The following SLC43A2 variants were observed in gnomAD, a reference collection of about 807,000 sequenced individuals.
The protein encoded by SLC43A2 is solute carrier family 43 member 2.
A neutral mutation model predicts 63.2 loss-of-function variants in SLC43A2; 38 were observed. The observed-to-expected ratio is 0.60, with a 90% CI of 0.46 to 0.79. SLC43A2 has a LOEUF of 0.79. Ranked by LOEUF, SLC43A2 falls within the 30% of genes least tolerant of loss-of-function variation. The probability of loss-of-function intolerance (pLI) is 0.00; values close to 1 mark genes in which losing one functional copy is unlikely to be tolerated. For missense variants in SLC43A2, 644 were observed against 756.2 expected, an observed-to-expected ratio of 0.85 and a Z score of 1.74; for synonymous variants, 322 against 331.0, an observed-to-expected ratio of 0.97 and a Z score of 0.30.
intron 2 of SLC43A2, among the ~76,000 whole-genome samples, chr17:1,618,638 G>A (rs1225924410): frequency 1.3e-5 from 2 of 152,208 alleles, no homozygotes; most frequent in Admixed American, 6.5e-5. Context: ...TCACTTCTGT[G>A]TCCCCAGTAT....
At chr17:1,628,047 C>A in intron 1 of SLC43A2, 127 bp from the exon 2 acceptor site, 2 of 1,007,320 alleles carry the variant, frequency 2.0e-6, no homozygotes, top group Non-Finnish European at 2.5e-6. Flanking sequence ...CCGGTGCGCG[C>A]AGCAGAGGAA....
At chr17:1,587,897 C>T (rs1904366250) in intron 9 of SLC43A2, among the ~76,000 whole-genome samples, 1 of 152,366 alleles carries the variant, frequency 6.6e-6, no homozygotes, top group African/African-American at 2.4e-5. Flanking sequence ...GCCACAGCCT[C>T]TGTACCCTGC....
chr17:1,575,628 C>T lies in SLC43A2; in HGVS notation c.1686G>A (p.Ser562=), dbSNP rs766652288. 5.0e-6 allele frequency: 8 copies of T among 1,608,210 alleles called. No homozygotes were observed. Among genetic ancestry groups the T allele is most frequent in the Admixed American group, 3.4e-5 (2 of 58,742 alleles). Residue 562 remains serine, a synonymous_variant, in exon 14 of 14, where the codon TCG becomes TCA. Coordinates refer to ENST00000301335, the MANE Select transcript of SLC43A2 (RefSeq NM_152346.3). ...DDKLFLKING[S]SNQEAFV is the part of the protein sequence containing the mutation. ...ACTACACGAAGGCCTCCTGGTTGGA[C>T]GAGCCGTTGATTTTGAGGAAGAGTT...
In SLC43A2 at chr17:1,620,615, C is replaced by T. The variant is rs554942846; in HGVS notation, c.161-3846G>A. Among the ~76,000 whole-genome samples the T allele has an allele frequency of 5.3e-5, 8 of 152,242 alleles. No individual in the cohort carries two copies. In the East Asian group the frequency reaches 5.8e-4, roughly 11 times the overall value. On this transcript the variant is annotated intron_variant, in intron 2 of 13. Coordinates refer to ENST00000301335, the MANE Select transcript of SLC43A2 (RefSeq NM_152346.3). ...CCGGCCGCCTGCCTCCAGGCCGTCC[C>T]GTCCAGCAACAGAGGCGCCTGGGGC...
chr17:1,590,788 C>T lies in SLC43A2; in HGVS notation c.1078+14G>A, dbSNP rs1427759026. On this transcript the variant is annotated intron_variant, in intron 9 of 13. Transcript: ENST00000301335. ...CGGGGAGTGACAGCGACCGAGGCTG[C>T]CCGGGGCACCTACCTGTCTTCTGGT... 2 of 1,551,676 alleles carry T rather than the reference C, an allele frequency of 1.3e-6. No individual in the cohort carries two copies. The highest frequency in any genetic ancestry group is 1.7e-6 in the Non-Finnish European group (2 of 1,147,714).
At position 1,605,109 on chromosome 17, in the gene SLC43A2, C is replaced by T; in HGVS notation, c.501+8086G>A. ...GTGGGAGTGCAAGCCCCTCTTCCCG[C>T]CCTCAGGTGCTTCCCACAGCCCCCT... On this transcript the variant is annotated intron_variant, in intron 5 of 13. Coordinates refer to ENST00000301335, the MANE Select transcript of SLC43A2 (RefSeq NM_152346.3). This position sits in a 1 kb window ranked among gnomAD's most constrained non-coding sequence, Gnocchi z 4.9. 1 of 1,330,956 alleles carries T rather than the reference C, an allele frequency of 7.5e-7. No homozygotes were observed. The highest frequency in any genetic ancestry group is 9.6e-7 in the Non-Finnish European group (1 of 1,036,508). 82.4% of individuals were successfully genotyped at this position (1,330,956 alleles called of 1,614,324 possible).
At chr17:1,610,849 T>G (rs1455780476) in intron 5 of SLC43A2, among the ~76,000 whole-genome samples, 5 of 151,716 alleles carry the variant, frequency 3.3e-5, no homozygotes, top group Non-Finnish European at 5.9e-5. Context: ...TTTTCCTTTT[T>G]TTTTTTTTGA....
intron 5 of SLC43A2, among the ~76,000 whole-genome samples, chr17:1,596,124 G>C (rs1336287584): frequency 1.3e-5 from 2 of 151,986 alleles, no homozygotes; most frequent in Non-Finnish European, 2.9e-5. Context: ...TTCAACACCA[G>C]CCTGGCCAAC....
chr17:1,619,797 C>T (rs367604682), intron 2 of SLC43A2, among the ~76,000 whole-genome samples: 3 of 152,306 alleles, frequency 2.0e-5, no homozygotes, highest in Non-Finnish European at 2.9e-5. Flanking sequence ...CAAACCAGCA[C>T]AGAGGTGACA....
At chr17:1,592,428 C>T (rs1904908552) in intron 6 of SLC43A2, among the ~76,000 whole-genome samples, 2 of 152,018 alleles carry the variant, frequency 1.3e-5, no homozygotes. Flanking sequence ...CCCTGTTCCC[C>T]CCCAAAAAAA....
chr17:1,618,996 AAAAC>A (rs372146020), intron 2 of SLC43A2, among the ~76,000 whole-genome samples: 213 of 151,550 alleles, frequency 1.4e-3, no homozygotes, highest in Middle Eastern at 3.4e-3. Flanking sequence ...AAAAAAACAA[AAAAC>A]AAACAAACAA....
chr17:1,576,804 G>C (rs566481177), intron 12 of SLC43A2, 84 bp from the exon 13 acceptor site: 2 of 1,514,120 alleles, frequency 1.3e-6, no homozygotes, highest in African/African-American at 2.8e-5. Flanking sequence ...GGGCTGCACC[G>C]TTGGTGCCAG....
intron 10 of SLC43A2, among the ~76,000 whole-genome samples, chr17:1,584,713 GGA>G (rs1252402206): frequency 6.6e-6 from 1 of 151,690 alleles, no homozygotes; most frequent in Non-Finnish European, 1.5e-5. Context: ...CCAGATACTT[GGA>G]AGCCTGAGGC....
At chr17:1,627,651 C>CAAACCCCCCCCCCCCCA in intron 2 of SLC43A2, 64 bp downstream of exon 2, 1 of 686,276 alleles carries the variant, frequency 1.5e-6, no homozygotes, top group Non-Finnish European at 2.3e-6. Flanking sequence ...TCTTCGCCCC[C>CAAACCCCCCCCCCCCCA]ATCCCGCCCC....
In SLC43A2 at chr17:1,578,405, C is replaced by T; in HGVS notation, c.1351-82G>A. The T allele has an allele frequency of 7.5e-7, 1 of 1,337,006 alleles. No homozygotes were observed. Among genetic ancestry groups the T allele is most frequent in the Non-Finnish European group, 1.0e-6 (1 of 954,990 alleles). 82.8% of individuals were successfully genotyped at this position (1,337,006 alleles called of 1,614,324 possible). ...CCCCGCCCTCCAATTCCTGGGGGCC[C>T]TCACCCCAGGGGCAGTGTCAGCCTG... On this transcript the variant is annotated intron_variant, in intron 11 of 13. Coordinates refer to ENST00000301335, the MANE Select transcript of SLC43A2 (RefSeq NM_152346.3). This position sits in a 1 kb window ranked among gnomAD's most constrained non-coding sequence, Gnocchi z 6.5.
intron 11 of SLC43A2, among the ~76,000 whole-genome samples, chr17:1,581,089 C>T (rs903693282): frequency 9.9e-5 from 15 of 152,048 alleles, no homozygotes; most frequent in Middle Eastern, 3.2e-3. Context: ...GCCTTGTCTT[C>T]TGTACACAGC....
At position 1,606,048 on chromosome 17, in the gene SLC43A2, C is replaced by A. The variant is rs1461452240; in HGVS notation, c.501+7147G>T. The stretch of plus-strand genomic sequence containing the variant: ...AAGTAGCTGACTGCCTGAGCTTCCC[C>A]AAGGTACAGGACAGAAAGAGAGGAA... On this transcript the variant is annotated intron_variant, in intron 5 of 13. Transcript: ENST00000301335. This position sits in a 1 kb window ranked among gnomAD's most constrained non-coding sequence, Gnocchi z 4.7. Among the ~76,000 whole-genome samples the A allele has an allele frequency of 2.0e-5, 3 of 152,212 alleles. No homozygotes were observed. The highest frequency in any genetic ancestry group is 7.2e-5 in the African/African-American group (3 of 41,454).
intron 5 of SLC43A2, among the ~76,000 whole-genome samples, chr17:1,597,756 G>T (rs976156732): frequency 6.6e-6 from 1 of 151,754 alleles, no homozygotes; most frequent in Non-Finnish European, 1.5e-5. Context: ...TCAAGATATC[G>T]CCACTGCCCT....
In SLC43A2 at chr17:1,593,245, A is replaced by C; in HGVS notation, c.536T>G (p.Phe179Cys). The C allele has an allele frequency of 6.2e-7, 1 of 1,614,076 alleles. No individual in the cohort carries two copies. The highest frequency in any genetic ancestry group is 1.6e-4 in the Middle Eastern group (1 of 6,062). Reference protein sequence around the residue: ...PNMFGDLRSTFIALMIGSYAS... With the variant: ...PNMFGDLRSTCIALMIGSYAS... ...GTAGGACCCAATCATCAAGGCAATAAACGTGGACCGAAGGTCGCCGAACAT... is the reference window on the plus strand; with the variant it reads ...GTAGGACCCAATCATCAAGGCAATACACGTGGACCGAAGGTCGCCGAACAT... The change falls in exon 6 of 14, where the codon TTT becomes TGT. Residue 179 changes from phenylalanine to cysteine, a missense_variant. Around this residue, in one of 3 missense-constraint regions of SLC43A2, gnomAD observed 528 missense variants for 623.6 expected, o/e 0.85. Coordinates refer to ENST00000301335, the MANE Select transcript of SLC43A2 (RefSeq NM_152346.3). The surrounding 1 kb of genome is among the most constrained non-coding windows in gnomAD (Gnocchi z 5.3).
Sources: allele counts gnomAD v4.1 joint callset (sites outside exome capture counted in the v4.1 genomes callset), GRCh38; gene constraint gnomAD v4.1.1; regional missense constraint gnomAD v4.1.1; non-coding constraint Gnocchi (gnomAD v3.1); transcripts MANE v1.5; gene names NCBI Gene and HGNC (gene_info 2026-07-23, HGNC 2026-07-21).